TCF12: variants seen among roughly 807,000 people sequenced by gnomAD.
TCF12 encodes DNA-binding protein HTF4.
In TCF12, 45 loss-of-function variants were observed where a neutral mutation model predicts 86.0. That is an observed-to-expected ratio of 0.52 (90% CI 0.41 to 0.67). The LOEUF is 0.67. TCF12 is among the 30% of genes least tolerant of loss of function. The pLI is 0.00. For missense variants in TCF12, 881 were observed against 859.9 expected, an observed-to-expected ratio of 1.02 and a Z score of -0.31; for synonymous variants, 330 against 299.6, an observed-to-expected ratio of 1.10 and a Z score of -1.05.
intron 5 of TCF12, among the ~76,000 whole-genome samples, chr15:57,162,449 T>G (rs1288454230): frequency 6.6e-6 from 1 of 152,174 alleles, no homozygotes; most frequent in Admixed American, 6.5e-5. Context: ...CTCAAACTTA[T>G]AAGTCCTTAA....
chr15:57,252,493 G>A lies in TCF12; in HGVS notation c.1260+1G>A. ...GTCCTTCTTAAAGGATGTCTGTGAG[G>A]TACTATTTCTTTTAGATGGTGCCTT... On this transcript the variant is annotated splice_donor_variant, in intron 15 of 20. Transcript: ENST00000333725. LOFTEE classifies it high-confidence loss of function. The A allele has an allele frequency of 1.2e-6, 2 of 1,613,118 alleles. No homozygotes were observed.
chr15:56,972,008 A>G (rs1236230488), intron 3 of TCF12, among the ~76,000 whole-genome samples: 1 of 152,238 alleles, frequency 6.6e-6, no homozygotes, highest in Admixed American at 6.5e-5. Flanking sequence ...ATGGTTGCAC[A>G]GCTCTTACGA....
chr15:57,274,056 T>A (rs2061267910), intron 19 of TCF12, among the ~76,000 whole-genome samples: 1 of 152,210 alleles, frequency 6.6e-6, no homozygotes, highest in African/African-American at 2.4e-5. Flanking sequence ...TATACTTATA[T>A]ATTGTCTTAA....
At chr15:57,098,844 T>TA (rs763925465) in intron 5 of TCF12, among the ~76,000 whole-genome samples, 46 of 152,314 alleles carry the variant, frequency 3.0e-4, no homozygotes, top group Non-Finnish European at 6.6e-4. Context: ...CCTAGGGGTT[T>TA]AAACAATATC....
At chr15:57,067,493 C>A (rs547837804) in intron 4 of TCF12, among the ~76,000 whole-genome samples, 1 of 137,572 alleles carries the variant, frequency 7.3e-6, no homozygotes, top group Non-Finnish European at 1.6e-5. Flanking sequence ...TGAGCCAGAT[C>A]CCGCCACTGC....
intron 4 of TCF12, among the ~76,000 whole-genome samples, 181 bp from the exon 5 acceptor site, chr15:57,091,608 T>C (rs1186927168): frequency 6.6e-6 from 1 of 152,180 alleles, no homozygotes; most frequent in Non-Finnish European, 1.5e-5. Flanking sequence ...GTTTTTTGAC[T>C]TAAAATCTTA....
At chr15:57,142,530 G>C (rs2053054999) in intron 5 of TCF12, among the ~76,000 whole-genome samples, 1 of 144,500 alleles carries the variant, frequency 6.9e-6, no homozygotes, top group Admixed American at 7.0e-5. Context: ...AAAATAAATA[G>C]TGATAGTAAT....
At chr15:56,957,558 A>G (rs1271884419) in intron 3 of TCF12, among the ~76,000 whole-genome samples, 5 of 152,066 alleles carry the variant, frequency 3.3e-5, no homozygotes, top group African/African-American at 1.2e-4. Context: ...TGCAAGTTTG[A>G]TTTGTGTCTT....
At chr15:57,181,763 C>G (rs2056367729) in intron 6 of TCF12, among the ~76,000 whole-genome samples, 1 of 152,076 alleles carries the variant, frequency 6.6e-6, no homozygotes, top group African/African-American at 2.4e-5. Flanking sequence ...TGTTCACAGG[C>G]TAGAGGTTTG....
intron 8 of TCF12, among the ~76,000 whole-genome samples, chr15:57,202,010 C>T (rs142680338): frequency 3.3e-5 from 5 of 152,286 alleles, no homozygotes; most frequent in Non-Finnish European, 7.4e-5. Context: ...GCCTCAGTGT[C>T]ACTGTGTTGT....
chr15:57,187,432 C>T (rs1033103053), intron 6 of TCF12, among the ~76,000 whole-genome samples: 2 of 152,158 alleles, frequency 1.3e-5, no homozygotes, highest in African/African-American at 2.4e-5. Context: ...ATTCTTTTGG[C>T]TTCCCTGAGC....
chr15:56,930,542 C>T (rs1050835067), intron 3 of TCF12, among the ~76,000 whole-genome samples: 1 of 152,120 alleles, frequency 6.6e-6, no homozygotes, highest in Non-Finnish European at 1.5e-5. Context: ...TAGTGTTATT[C>T]TCAGTTGGGA....
intron 3 of TCF12, among the ~76,000 whole-genome samples, chr15:56,994,819 G>A (rs2140994780): frequency 6.6e-6 from 1 of 152,200 alleles, no homozygotes; most frequent in East Asian, 1.9e-4. Flanking sequence ...GCTAAAAGAT[G>A]TTCTTAAGAC....
intron 16 of TCF12, among the ~76,000 whole-genome samples, chr15:57,254,596 C>G (rs1214952697): frequency 1.3e-5 from 2 of 152,000 alleles, no homozygotes; most frequent in African/African-American, 4.8e-5. Flanking sequence ...TCAGATGGCT[C>G]ACACCTGTAA....
chr15:57,076,440 G>A (rs1304112279), intron 4 of TCF12, among the ~76,000 whole-genome samples: 1 of 152,026 alleles, frequency 6.6e-6, no homozygotes, highest in Non-Finnish European at 1.5e-5. Flanking sequence ...GGATCACAAG[G>A]TCAGGAGATC....
intron 5 of TCF12, among the ~76,000 whole-genome samples, chr15:57,120,721 T>C (rs1229334368): frequency 6.6e-6 from 1 of 152,248 alleles, no homozygotes; most frequent in Non-Finnish European, 1.5e-5. Context: ...TAAAATGTTT[T>C]TGGTAAATGC....
At chr15:57,181,928 CTG>C (rs1680884626) in intron 6 of TCF12, among the ~76,000 whole-genome samples, 1 of 152,114 alleles carries the variant, frequency 6.6e-6, no homozygotes. Context: ...GTCTGGATGA[CTG>C]TATCTATATT....
At chr15:57,154,484 A>G (rs1045256452) in intron 5 of TCF12, among the ~76,000 whole-genome samples, 2 of 152,166 alleles carry the variant, frequency 1.3e-5, no homozygotes, top group Non-Finnish European at 2.9e-5. Context: ...TTATATTCAA[A>G]CATATCTACC....
At chr15:57,038,134 A>T (rs1319947085) in intron 3 of TCF12, among the ~76,000 whole-genome samples, 1 of 152,172 alleles carries the variant, frequency 6.6e-6, no homozygotes, top group African/African-American at 2.4e-5. Flanking sequence ...GGATAGGGCA[A>T]GCTCTCAATA....
Sources: allele counts gnomAD v4.1 joint callset (sites outside exome capture counted in the v4.1 genomes callset), GRCh38; gene constraint gnomAD v4.1.1; transcripts MANE v1.5; gene names NCBI Gene and HGNC (gene_info 2026-07-23, HGNC 2026-07-21).